MCPH1: variants seen among roughly 807,000 people sequenced by gnomAD.
MCPH1 encodes microcephalin 1.
A neutral mutation model predicts 84.5 loss-of-function variants in MCPH1; 104 were observed. The ratio of observed to expected loss-of-function variants is 1.23; its 90% CI spans 1.05 to 1.45. The LOEUF (loss-of-function observed/expected upper bound fraction) is 1.45, where lower values mean the gene tolerates loss of function less well. Among genes scored for constraint, MCPH1 ranks in the 40% most tolerant of loss-of-function variants. MCPH1 has a pLI of 0.00. For missense variants in MCPH1, 1,498 were observed against 1,005.7 expected, an observed-to-expected ratio of 1.49 and a Z score of -6.62; for synonymous variants, 514 against 366.8, an observed-to-expected ratio of 1.40 and a Z score of -4.58.
chr8:6,410,398 A>T (rs138699266), intron 2 of MCPH1, among the ~76,000 whole-genome samples: 172 of 152,324 alleles, frequency 1.1e-3, no homozygotes, highest in Admixed American at 8.7e-3. Context: ...TGAACACTGT[A>T]AGGTCATTGC....
Position 6,442,054 on chromosome 8 carries a change from G to A in MCPH1, c.581-13G>A, listed in dbSNP as rs778789751. 1.3e-6 allele frequency: 2 copies of A among 1,593,048 alleles called. No homozygotes were observed. The highest frequency in any genetic ancestry group is 1.7e-5 in the Admixed American group (1 of 59,990). On this transcript the variant is annotated splice_polypyrimidine_tract_variant and intron_variant, in intron 6 of 13. Coordinates refer to ENST00000344683, the MANE Select transcript of MCPH1 (RefSeq NM_024596.5). Reference sequence around the variant, plus strand: ...AAACTTTATCTAATGCAGTGTCTTGGTCCTGTTTTTAGCTTCCCAAATGAT... The same window carrying A: ...AAACTTTATCTAATGCAGTGTCTTGATCCTGTTTTTAGCTTCCCAAATGAT...
chr8:6,509,495 A>T (rs1814512856), intron 12 of MCPH1, among the ~76,000 whole-genome samples: 1 of 152,236 alleles, frequency 6.6e-6, no homozygotes, highest in African/African-American at 2.4e-5. Flanking sequence ...AGAATGCAGC[A>T]GACAAGGAAT....
At chr8:6,627,369 C>A in intron 13 of MCPH1, 1 of 863,436 alleles carries the variant, frequency 1.2e-6, no homozygotes, top group Non-Finnish European at 1.4e-6. Flanking sequence ...CAGCCCCTCT[C>A]CTCCAAGGAC....
intron 12 of MCPH1, among the ~76,000 whole-genome samples, chr8:6,613,236 C>G (rs1173686868): frequency 6.6e-6 from 1 of 152,164 alleles, no homozygotes; most frequent in African/African-American, 2.4e-5. Flanking sequence ...GAAGGCCAGG[C>G]AGACGGGAAT....
chr8:6,443,219 A>G (rs1803772996), intron 7 of MCPH1, among the ~76,000 whole-genome samples: 1 of 152,206 alleles, frequency 6.6e-6, no homozygotes, highest in Admixed American at 6.5e-5. Context: ...TGGCAAACCC[A>G]AGCTTCTAAC....
At chr8:6,611,205 G>A (rs969861158) in intron 12 of MCPH1, among the ~76,000 whole-genome samples, 1 of 151,752 alleles carries the variant, frequency 6.6e-6, no homozygotes, top group African/African-American at 2.4e-5. Flanking sequence ...AAACAATTCT[G>A]CAGTTCACTG....
At chr8:6,472,125 A>G (rs1283258966) in intron 9 of MCPH1, among the ~76,000 whole-genome samples, 1 of 152,228 alleles carries the variant, frequency 6.6e-6, no homozygotes, top group Non-Finnish European at 1.5e-5. Flanking sequence ...ATTTATAAAA[A>G]TGGAAGAACA....
At chr8:6,507,016 G>T (rs975855226) in intron 12 of MCPH1, among the ~76,000 whole-genome samples, 3 of 151,886 alleles carry the variant, frequency 2.0e-5, no homozygotes, top group African/African-American at 4.8e-5. Flanking sequence ...TCCTGCCTCA[G>T]CCTCCTGAGT....
At chr8:6,421,973 A>G (rs917664429) in intron 3 of MCPH1, among the ~76,000 whole-genome samples, 5 of 152,160 alleles carry the variant, frequency 3.3e-5, no homozygotes, top group African/African-American at 7.2e-5. Context: ...TCCTTTATAC[A>G]TGTTGCATTG....
At chr8:6,593,602 C>T (rs996278508) in intron 12 of MCPH1, among the ~76,000 whole-genome samples, 4 of 152,180 alleles carry the variant, frequency 2.6e-5, no homozygotes, top group African/African-American at 4.8e-5. Flanking sequence ...GATCCACCCA[C>T]CTCGGCCTCC....
intron 2 of MCPH1, among the ~76,000 whole-genome samples, chr8:6,412,147 G>A (rs1446116099): frequency 6.6e-6 from 1 of 152,184 alleles, no homozygotes; most frequent in Non-Finnish European, 1.5e-5. Flanking sequence ...TGAGTAAGAG[G>A]TCAGTGGAGA....
chr8:6,481,496 C>A (rs945495406), intron 11 of MCPH1, among the ~76,000 whole-genome samples: 1 of 152,174 alleles, frequency 6.6e-6, no homozygotes, highest in African/African-American at 2.4e-5. Context: ...CCAAAGCATT[C>A]CTTTCTGGTG....
At chr8:6,500,737 A>G (rs1812005259) in intron 12 of MCPH1, 1 of 152,250 alleles carries the variant, frequency 6.6e-6, no homozygotes, top group Non-Finnish European at 1.5e-5. Flanking sequence ...AGCTCCTCTC[A>G]GCAAAACTGT....
intron 12 of MCPH1, among the ~76,000 whole-genome samples, chr8:6,593,289 G>T (rs543045064): frequency 5.1e-4 from 77 of 149,848 alleles, no homozygotes; most frequent in African/African-American, 1.8e-3. Flanking sequence ...CTCCATGTTA[G>T]TCAGGCTGGT....
chr8:6,552,288 A>T (rs889013467), intron 12 of MCPH1, among the ~76,000 whole-genome samples: 1 of 152,226 alleles, frequency 6.6e-6, no homozygotes, highest in Non-Finnish European at 1.5e-5. Context: ...GAAATTACAT[A>T]TGACGATGGA....
Position 6,609,462 on chromosome 8 carries a change from A to G in MCPH1, c.2215-11992A>G, listed in dbSNP as rs1431425383. Among the ~76,000 whole-genome samples, 3 of 152,222 alleles carry G rather than the reference A, an allele frequency of 2.0e-5. No homozygotes were observed. In the East Asian group the frequency reaches 5.8e-4, roughly 29 times the overall value. Reference sequence around the variant, plus strand: ...CCCATCACTTATGTAGCCTTAAAAGAAAAAAACCTCAAATGATGCTTTAAA... The same window carrying G: ...CCCATCACTTATGTAGCCTTAAAAGGAAAAAACCTCAAATGATGCTTTAAA... On this transcript the variant is annotated intron_variant, in intron 12 of 13. Coordinates refer to ENST00000344683, the MANE Select transcript of MCPH1 (RefSeq NM_024596.5).
At chr8:6,506,273 G>T (rs912945848) in intron 12 of MCPH1, among the ~76,000 whole-genome samples, 5 of 151,900 alleles carry the variant, frequency 3.3e-5, no homozygotes, top group Non-Finnish European at 5.9e-5. Flanking sequence ...CATGCAAAAT[G>T]GAGCTGCTCA....
chr8:6,590,804 A>C (rs908866859), intron 12 of MCPH1, among the ~76,000 whole-genome samples: 11 of 152,208 alleles, frequency 7.2e-5, no homozygotes, highest in Admixed American at 6.5e-4. Flanking sequence ...GCCTCAGGTC[A>C]CTTGACCTCC....
At chr8:6,408,105 A>G (rs1383333605) in intron 1 of MCPH1, among the ~76,000 whole-genome samples, 1 of 152,250 alleles carries the variant, frequency 6.6e-6, no homozygotes, top group Non-Finnish European at 1.5e-5. Flanking sequence ...TGGAAAAATT[A>G]AGCGTAAGAA....
Sources: allele counts gnomAD v4.1 joint callset (sites outside exome capture counted in the v4.1 genomes callset), GRCh38; gene constraint gnomAD v4.1.1; transcripts MANE v1.5; gene names NCBI Gene and HGNC (gene_info 2026-07-23, HGNC 2026-07-21).